PTCHD1: variants seen among roughly 807,000 people sequenced by gnomAD.
PTCHD1 encodes patched domain-containing protein 1.
Under a neutral mutation model 34.6 loss-of-function variants are expected in PTCHD1, and 3 were observed. The ratio of observed to expected loss-of-function variants is 0.09; its 90% CI spans 0.04 to 0.22. PTCHD1 has a LOEUF of 0.22. PTCHD1 is among the 10% of genes least tolerant of loss of function. The pLI is 1.00. For synonymous variants in PTCHD1, 305 were observed against 283.1 expected (o/e 1.08, Z -0.77); for missense variants, 504 against 685.5 (o/e 0.74, Z 2.96).
At position 23,361,763 on chromosome X, in the gene PTCHD1, G is replaced by C. The variant is rs937971536; in HGVS notation, c.352-17828G>C. ...CTAGCATTGATGGTCTTTACAATTT[G>C]GCATGTTTTTGCAGTGGCTGGTACC... On this transcript the variant is annotated intron_variant, in intron 1 of 2. Coordinates refer to ENST00000379361, the MANE Select transcript of PTCHD1 (RefSeq NM_173495.3). 6.9e-4 allele frequency among the ~76,000 whole-genome samples: 77 copies of C among 112,200 alleles called. No homozygotes were observed. In the Admixed American group the frequency reaches 7.3e-3, roughly 11 times the overall value.
rs1482181982 is a variant in PTCHD1, at chrX:23,379,942, G to A, written c.703G>A (p.Asp235Asn). 7 of 1,210,119 alleles carry A rather than the reference G, an allele frequency of 5.8e-6. No homozygotes were observed. Among genetic ancestry groups the A allele is most frequent in the Admixed American group, 2.2e-5 (1 of 45,831 alleles). The change falls in exon 2 of 3, where the codon GAC (aspartate) becomes AAC (asparagine). Residue 235 changes from aspartate to asparagine, a missense_variant. Transcript: ENST00000379361. Reference protein sequence around the residue: ...VAERWESSFCDTVRLFQKSNS... With the variant: ...VAERWESSFCNTVRLFQKSNS... The stretch of plus-strand genomic sequence containing the variant: ...TGAGAGGTGGGAGTCCAGCTTCTGC[G>A]ACACTGTCAGACTGTTTCAGAAATC...
At chrX:23,343,381 G>A (rs1921392762) in intron 1 of PTCHD1, among the ~76,000 whole-genome samples, 1 of 112,064 alleles carries the variant, frequency 8.9e-6, no homozygotes, top group African/African-American at 3.2e-5. Flanking sequence ...GCATTTCCAT[G>A]TGGGAGGGTG....
intron 1 of PTCHD1, among the ~76,000 whole-genome samples, chrX:23,354,122 G>C (rs1028936482): frequency 7.2e-5 from 8 of 111,423 alleles, no homozygotes; most frequent in African/African-American, 2.6e-4. Context: ...ACAGGGGCTA[G>C]ATCAGAGATT....
intron 1 of PTCHD1, among the ~76,000 whole-genome samples, chrX:23,338,448 G>A (rs1377081687): frequency 3.6e-5 from 4 of 111,929 alleles, no homozygotes; most frequent in Non-Finnish European, 7.5e-5. Context: ...ATTGATCCAG[G>A]CTGTTAACAA....
At chrX:23,348,519 A>T (rs1921538856) in intron 1 of PTCHD1, among the ~76,000 whole-genome samples, 2 of 111,683 alleles carry the variant, frequency 1.8e-5, no homozygotes, top group African/African-American at 3.2e-5. Context: ...CAGAAAACCA[A>T]AGACAAAGAG....
At chrX:23,389,653 A>G (rs1922778485) in intron 2 of PTCHD1, among the ~76,000 whole-genome samples, 1 of 111,931 alleles carries the variant, frequency 8.9e-6, no homozygotes, top group African/African-American at 3.2e-5. Flanking sequence ...GTGATCGGTT[A>G]GAACAAATTC....
chrX:23,349,217 TAAA>T (rs967404301), intron 1 of PTCHD1, among the ~76,000 whole-genome samples: 1 of 106,265 alleles, frequency 9.4e-6, no homozygotes, highest in Admixed American at 1.0e-4. Context: ...AAAGAGGAGG[TAAA>T]AAAAACAGGA....
intron 1 of PTCHD1, among the ~76,000 whole-genome samples, chrX:23,342,310 A>ATTTTT (rs1174366015): frequency 1.5e-4 from 2 of 12,943 alleles, no homozygotes; most frequent in Non-Finnish European, 2.2e-4. Context: ...ATATATATAT[A>ATTTTT]TTTTTTTTTT....
At chrX:23,335,623 C>A (rs1227477793) in intron 1 of PTCHD1, among the ~76,000 whole-genome samples, 1 of 112,561 alleles carries the variant, frequency 8.9e-6, no homozygotes, top group East Asian at 2.8e-4. Context: ...GAACAAAATA[C>A]TATGCTTGGA....
chrX:23,384,191 G>A (rs978640705), intron 2 of PTCHD1, among the ~76,000 whole-genome samples: 1 of 112,440 alleles, frequency 8.9e-6, no homozygotes, highest in Admixed American at 9.4e-5. Flanking sequence ...AATTGAAGTC[G>A]TAGTGAAAGA....
chrX:23,395,343 G>A lies in PTCHD1; in HGVS notation c.*1158G>A, dbSNP rs187026250. On this transcript the variant is annotated 3_prime_UTR_variant, in exon 3 of 3. Transcript: ENST00000379361. ...AGACAGAGAGGGGAAGAAGATCTTT[G>A]GTAAGTCTAAGTCCTGACGCTGAGA... 1 of 112,280 alleles carries A rather than the reference G, an allele frequency of 8.9e-6. No individual in the cohort carries two copies. The highest frequency in any genetic ancestry group is 2.8e-4 in the East Asian group (1 of 3,603). The allele number at this position is 112,280 out of a possible 1,213,427, so 9.3% of individuals were successfully genotyped here.
At chrX:23,356,265 T>A (rs944064094) in intron 1 of PTCHD1, among the ~76,000 whole-genome samples, 2 of 112,225 alleles carry the variant, frequency 1.8e-5, no homozygotes, top group African/African-American at 6.5e-5. Flanking sequence ...ATATAACAAA[T>A]AACAAGATTG....
chrX:23,378,450 G>A (rs1286171775), intron 1 of PTCHD1, among the ~76,000 whole-genome samples: 12 of 112,061 alleles, frequency 1.1e-4, no homozygotes, highest in African/African-American at 2.9e-4. Flanking sequence ...ACACATACTC[G>A]TACATATCTG....
At chrX:23,371,772 T>C (rs1380152942) in intron 1 of PTCHD1, among the ~76,000 whole-genome samples, 1 of 111,018 alleles carries the variant, frequency 9.0e-6, no homozygotes. Context: ...CAATTGTAGA[T>C]TATGTTTGGA....
intron 1 of PTCHD1, chrX:23,351,426 A>G: frequency 1.8e-6 from 1 of 559,878 alleles, no homozygotes; most frequent in Non-Finnish European, 3.2e-6. Flanking sequence ...GATGACTAGC[A>G]CAGAACCCTC....
At chrX:23,372,314 G>A (rs912902185) in intron 1 of PTCHD1, among the ~76,000 whole-genome samples, 2 of 110,454 alleles carry the variant, frequency 1.8e-5, no homozygotes, top group South Asian at 3.9e-4. Context: ...AGAGCAAGAC[G>A]AGCACTGCAA....
At chrX:23,364,327 A>G (rs1217620094) in intron 1 of PTCHD1, among the ~76,000 whole-genome samples, 1 of 109,134 alleles carries the variant, frequency 9.2e-6, no homozygotes, top group African/African-American at 3.4e-5. Flanking sequence ...TAACATTTAC[A>G]CATTGTACTG....
chrX:23,379,995 C>T lies in PTCHD1; in HGVS notation c.756C>T (p.Tyr252=). The part of the protein sequence containing the change: ...KSNSKVKMYP[Y]TSSSLREDFQ... ...ACAGCAAAGTCAAAATGTACCCTTA[C>T]ACGTCCTCCTCACTGAGGGAAGATT... Residue 252 remains tyrosine, a synonymous_variant, in exon 2 of 3, where the codon TAC becomes TAT. Coordinates refer to ENST00000379361, the MANE Select transcript of PTCHD1 (RefSeq NM_173495.3). 1.7e-6 allele frequency: 2 copies of T among 1,212,018 alleles called. No individual in the cohort carries two copies. Among genetic ancestry groups the T allele is most frequent in the African/African-American group, 3.5e-5 (2 of 57,854 alleles).
chrX:23,360,352 C>T (rs1921939275), intron 1 of PTCHD1, among the ~76,000 whole-genome samples: 2 of 111,566 alleles, frequency 1.8e-5, no homozygotes, highest in African/African-American at 6.5e-5. Flanking sequence ...TTCAGGGATT[C>T]AACTTCTTCC....
Sources: allele counts gnomAD v4.1 joint callset (sites outside exome capture counted in the v4.1 genomes callset), GRCh38; gene constraint gnomAD v4.1.1; transcripts MANE v1.5; gene names NCBI Gene and HGNC (gene_info 2026-07-23, HGNC 2026-07-21).